SNX30: variants seen among roughly 807,000 people sequenced by gnomAD.
The protein encoded by SNX30 is sorting nexin-30.
In SNX30, 24 loss-of-function variants were observed where a neutral mutation model predicts 46.4. The ratio of observed to expected loss-of-function variants is 0.52; its 90% CI spans 0.37 to 0.73. The LOEUF is 0.73. Ranked by LOEUF, SNX30 falls within the 30% of genes least tolerant of loss-of-function variation. The pLI is 0.00. For missense variants in SNX30, 533 were observed against 555.7 expected (o/e 0.96, Z 0.41); for synonymous variants, 189 against 211.5 (o/e 0.89, Z 0.92).
intron 8 of SNX30, among the ~76,000 whole-genome samples, chr9:112,865,659 A>AAAATGTG (rs1554757339): frequency 1.3e-5 from 1 of 79,698 alleles, no homozygotes; most frequent in African/African-American, 5.3e-5. Flanking sequence ...ATATATATAT[A>AAAATGTG]TATGTATGTA....
At chr9:112,755,866 A>G (rs1242127062) in intron 1 of SNX30, among the ~76,000 whole-genome samples, 1 of 152,094 alleles carries the variant, frequency 6.6e-6, no homozygotes, top group Non-Finnish European at 1.5e-5. Context: ...CAGCTCCAGC[A>G]GAAGGAGAGC....
At chr9:112,795,984 C>G (rs1431773666) in intron 1 of SNX30, among the ~76,000 whole-genome samples, 1 of 152,088 alleles carries the variant, frequency 6.6e-6, no homozygotes, top group African/African-American at 2.4e-5. Flanking sequence ...AGAGGGGATT[C>G]AAGCAGATTC....
downstream of SNX30, chr9:112,877,853 G>A (rs1166471511): frequency 6.6e-6 from 1 of 152,152 alleles, no homozygotes; most frequent in African/African-American, 2.4e-5. Flanking sequence ...GAGTAGCTGG[G>A]ATTATAGGTG....
chr9:112,751,205 G>T (rs573846509), intron 1 of SNX30, 48 bp downstream of exon 1: 121 of 1,355,702 alleles, frequency 8.9e-5, no homozygotes, highest in East Asian at 5.6e-4. Flanking sequence ...CGCTCCCCGT[G>T]GGGGGGATGA....
chr9:112,804,712 T>C, intron 1 of SNX30, 64 bp from the exon 2 acceptor site: 1 of 1,416,026 alleles, frequency 7.1e-7, no homozygotes, highest in Non-Finnish European at 9.4e-7. Context: ...CTAAACCAGC[T>C]GCTTTTGCTG....
intron 2 of SNX30, among the ~76,000 whole-genome samples, chr9:112,812,444 T>C (rs1588124518): frequency 6.6e-6 from 1 of 152,086 alleles, no homozygotes; most frequent in East Asian, 1.9e-4. Flanking sequence ...TTAGTAGAGA[T>C]GGGGTTTCAC....
chr9:112,861,043 G>A (rs1841219629), intron 7 of SNX30, among the ~76,000 whole-genome samples: 1 of 152,192 alleles, frequency 6.6e-6, no homozygotes, highest in South Asian at 2.1e-4. Flanking sequence ...TTGCAAGAGT[G>A]CAACAGGCAG....
intron 1 of SNX30, among the ~76,000 whole-genome samples, chr9:112,792,178 AC>A (rs1328368390): frequency 6.6e-6 from 1 of 152,240 alleles, no homozygotes; most frequent in Non-Finnish European, 1.5e-5. Context: ...ACTGTGAAAC[AC>A]TTGGGACCCA....
chr9:112,790,886 T>A (rs1840008286), intron 1 of SNX30, among the ~76,000 whole-genome samples: 1 of 152,244 alleles, frequency 6.6e-6, no homozygotes, highest in Non-Finnish European at 1.5e-5. Flanking sequence ...GGCAGATCAC[T>A]GTATGAGTTC....
chr9:112,847,787 A>C (rs1181286257), intron 6 of SNX30, among the ~76,000 whole-genome samples: 1 of 152,216 alleles, frequency 6.6e-6, no homozygotes, highest in Non-Finnish European at 1.5e-5. Context: ...CCATGTCTGT[A>C]ATTAAAAGTC....
intron 1 of SNX30, among the ~76,000 whole-genome samples, chr9:112,781,423 GA>G (rs1007232712): frequency 2.6e-5 from 4 of 151,954 alleles, no homozygotes; most frequent in South Asian, 2.1e-4. Flanking sequence ...TCTTGACATA[GA>G]AAAAAAATTG....
At chr9:112,829,501 C>T (rs927376736) in intron 3 of SNX30, among the ~76,000 whole-genome samples, 2 of 152,196 alleles carry the variant, frequency 1.3e-5, no homozygotes, top group Admixed American at 6.5e-5. Context: ...AGGCTGGTCT[C>T]GAACTCCTGA....
rs1841409862 is a variant in SNX30, at chr9:112,869,410, G to A, written c.*567G>A. 6.4e-6 allele frequency: 1 copy of A among 157,050 alleles called. No homozygotes were observed. The highest frequency in any genetic ancestry group is 6.1e-5 in the Admixed American group (1 of 16,456). The allele number at this position is 157,050 out of a possible 1,614,324, so 9.7% of individuals were successfully genotyped here. A position where few individuals can be genotyped will look rare whatever the true frequency, so the allele number is the denominator to read the frequency against. On this transcript the variant is annotated 3_prime_UTR_variant, in exon 9 of 9. Coordinates refer to ENST00000374232, the MANE Select transcript of SNX30 (RefSeq NM_001012994.2). ...GTGTGGCCTGCTGCCTGCTTGTGAT[G>A]AGTGATACCGTCTTACTGTTTCTGT...
At chr9:112,789,972 C>A (rs1017487633) in intron 1 of SNX30, among the ~76,000 whole-genome samples, 8 of 152,128 alleles carry the variant, frequency 5.3e-5, no homozygotes, top group African/African-American at 1.9e-4. Flanking sequence ...GTCCTGAATC[C>A]AAAGTAGAAA....
intron 1 of SNX30, among the ~76,000 whole-genome samples, chr9:112,779,217 C>T (rs1213580353): frequency 1.3e-5 from 2 of 152,184 alleles, no homozygotes; most frequent in Non-Finnish European, 2.9e-5. Flanking sequence ...ATTAGCGGGA[C>T]ATTTAGGTGT....
chr9:112,836,465 C>T (rs1840753358), intron 5 of SNX30, 56 bp downstream of exon 5: 1 of 1,535,346 alleles, frequency 6.5e-7, no homozygotes, highest in African/African-American at 1.4e-5. Flanking sequence ...GCAGAAATGC[C>T]ATTCATGTGT....
chr9:112,858,541 A>G (rs190006304), intron 7 of SNX30, among the ~76,000 whole-genome samples: 23 of 152,344 alleles, frequency 1.5e-4, no homozygotes, highest in Admixed American at 1.4e-3. Context: ...AAAAGTAAAA[A>G]GAATGCTTAG....
At chr9:112,772,531 G>A (rs1052372662) in intron 1 of SNX30, among the ~76,000 whole-genome samples, 4 of 152,114 alleles carry the variant, frequency 2.6e-5, no homozygotes, top group Non-Finnish European at 4.4e-5. Flanking sequence ...ATATCTAGGC[G>A]TGTCTCCCCT....
chr9:112,862,184 CACCTGGGAATCTTTAA>C (rs910538281), intron 7 of SNX30, among the ~76,000 whole-genome samples: 90 of 152,346 alleles, frequency 5.9e-4, no homozygotes, highest in African/African-American at 2.0e-3. Flanking sequence ...CTCCAGAACA[CACCTGGGAATCTTTAA>C]ACCTGGGAAT....
Sources: gnomAD v4.1 joint callset for allele counts (sites outside exome capture counted in the v4.1 genomes callset) on GRCh38, gnomAD v4.1.1 for gene constraint, MANE v1.5 for transcripts, NCBI Gene and HGNC (gene_info 2026-07-23, HGNC 2026-07-21) for gene names.